The following MLF1 variants were observed in gnomAD, a reference collection of about 807,000 sequenced individuals.
MLF1 encodes myeloid leukemia factor 1, also known as myelodysplasia-myeloid leukemia factor 1.
Under a neutral mutation model 38.3 loss-of-function variants are expected in MLF1, and 37 were observed. The observed-to-expected ratio is 0.96, with a 90% CI of 0.74 to 1.27. The LOEUF is 1.27. Ranked by LOEUF, MLF1 falls within the 50% of genes most tolerant of loss-of-function variation. The pLI is 0.00. For synonymous variants in MLF1, 95 were observed against 106.5 expected (o/e 0.89, Z 0.66); for missense variants, 331 against 349.2 (o/e 0.95, Z 0.42).
At chr3:158,590,645 A>G (rs776312771) in intron 1 of MLF1, 8 of 378,328 alleles carry the variant, frequency 2.1e-5, no homozygotes, top group Non-Finnish European at 4.1e-5. Flanking sequence ...AAAAGATGAC[A>G]TACTATGTGA....
intron 1 of MLF1, chr3:158,582,954 T>C: frequency 1.5e-6 from 1 of 665,260 alleles, no homozygotes; most frequent in Non-Finnish European, 2.7e-6. Flanking sequence ...TTTATTTTTC[T>C]TATTCTTAAT....
Position 158,571,253 on chromosome 3 carries a change from C to T in MLF1, c.-48C>T, listed in dbSNP as rs1426897713. 4.0e-6 allele frequency: 6 copies of T among 1,493,540 alleles called. No individual in the cohort carries two copies. The highest frequency in any genetic ancestry group is 1.7e-5 in the Admixed American group (1 of 59,064). 92.5% of individuals were successfully genotyped at this position (1,493,540 alleles called of 1,614,324 possible). The stretch of plus-strand genomic sequence containing the variant: ...TGTCGCGGCCGCGGCGAGTTAACAT[C>T]GTTTTTCCAATCTGTCCGCGGCTGC... On this transcript the variant is annotated 5_prime_UTR_variant, in exon 1 of 8. Transcript: ENST00000466246.
At chr3:158,598,798 A>G (rs1719289511) in intron 5 of MLF1, among the ~76,000 whole-genome samples, 1 of 152,066 alleles carries the variant, frequency 6.6e-6, no homozygotes, top group African/African-American at 2.4e-5. Context: ...CTCAGAGATT[A>G]CCATTTTCCT....
intron 5 of MLF1, among the ~76,000 whole-genome samples, chr3:158,599,251 G>A (rs1370094965): frequency 6.6e-6 from 1 of 152,096 alleles, no homozygotes; most frequent in Non-Finnish European, 1.5e-5. Context: ...CTGAGTTGTA[G>A]GGTATGTGTA....
intron 1 of MLF1, among the ~76,000 whole-genome samples, chr3:158,584,982 G>GATCA (rs1717011608): frequency 7.0e-6 from 1 of 142,642 alleles, no homozygotes; most frequent in Admixed American, 7.2e-5. Flanking sequence ...AGGTTGCAGT[G>GATCA]AGCCAAGATC....
intron 1 of MLF1, among the ~76,000 whole-genome samples, chr3:158,582,188 G>A (rs891119337): frequency 2.0e-5 from 3 of 151,630 alleles, no homozygotes; most frequent in Non-Finnish European, 4.4e-5. Context: ...AAAAAAAAAA[G>A]AGAGAAATGA....
At chr3:158,596,157 A>G (rs1718842077) in intron 3 of MLF1, among the ~76,000 whole-genome samples, 1 of 152,142 alleles carries the variant, frequency 6.6e-6, no homozygotes, top group Non-Finnish European at 1.5e-5. Context: ...GACAGCCAAA[A>G]ATGAGTATAG....
chr3:158,580,284 G>A (rs537784678), intron 1 of MLF1, among the ~76,000 whole-genome samples: 3 of 149,790 alleles, frequency 2.0e-5, no homozygotes, highest in African/African-American at 4.9e-5. Context: ...CATGTACCCC[G>A]GAACTTAAAA....
At chr3:158,585,347 C>G (rs1476390164) in intron 1 of MLF1, among the ~76,000 whole-genome samples, 1 of 152,152 alleles carries the variant, frequency 6.6e-6, no homozygotes, top group Non-Finnish European at 1.5e-5. Flanking sequence ...TCTGCACATA[C>G]TGGTTCCCCT....
intron 1 of MLF1, among the ~76,000 whole-genome samples, chr3:158,574,665 C>T (rs942651923): frequency 1.2e-4 from 15 of 121,420 alleles, no homozygotes; most frequent in African/African-American, 4.5e-4. Context: ...ACCTGGGCAA[C>T]AAGAGTGAAA....
chr3:158,603,142 G>A (rs1411314052), intron 7 of MLF1, among the ~76,000 whole-genome samples: 4 of 152,094 alleles, frequency 2.6e-5, no homozygotes, highest in Non-Finnish European at 5.9e-5. Flanking sequence ...AATAGTTTAG[G>A]ATTTTATGGT....
intron 5 of MLF1, among the ~76,000 whole-genome samples, chr3:158,598,532 T>A (rs1441355798): frequency 6.6e-6 from 1 of 152,098 alleles, no homozygotes; most frequent in Non-Finnish European, 1.5e-5. Flanking sequence ...TTCATGAAAT[T>A]AATGTCTATT....
At chr3:158,598,918 T>TTAC (rs1294760883) in intron 5 of MLF1, among the ~76,000 whole-genome samples, 2 of 152,338 alleles carry the variant, frequency 1.3e-5, no homozygotes, top group East Asian at 3.9e-4. Flanking sequence ...ACATAAAGGG[T>TTAC]ATCATATTGC....
Position 158,571,209 on chromosome 3 carries a change from C to A in MLF1, c.-92C>A, listed in dbSNP as rs1006239476. 2.1e-5 allele frequency: 21 copies of A among 1,010,106 alleles called. No individual in the cohort carries two copies. The highest frequency in any genetic ancestry group is 2.9e-5 in the Non-Finnish European group (19 of 656,236). The allele number at this position is 1,010,106 out of a possible 1,614,324, so 62.6% of individuals were successfully genotyped here. A position where few individuals can be genotyped will look rare whatever the true frequency, so the allele number is the denominator to read the frequency against. ...GCGCCGCGGCGAGTGAGGCGTCGTC[C>A]GTACTGGAGGCTAGCTCTTGTCGCG... On this transcript the variant is annotated 5_prime_UTR_variant, in exon 1 of 8. Coordinates refer to ENST00000466246, the MANE Select transcript of MLF1 (RefSeq NM_001369783.1).
At position 158,571,701 on chromosome 3, in the gene MLF1, A is replaced by G. The variant is rs116390468; in HGVS notation, c.47+354A>G. 1.9e-3 allele frequency among the ~76,000 whole-genome samples: 88 copies of G among 47,538 alleles called. 3 individuals are homozygous for G. Among genetic ancestry groups the G allele is most frequent in the African/African-American group, 8.0e-3 (80 of 10,006 alleles). 31.2% of individuals were successfully genotyped at this position (47,538 alleles called of 152,430 possible). A position where few individuals can be genotyped will look rare whatever the true frequency, so the allele number is the denominator to read the frequency against. ...AGGTGGGGGGAGGAGAATTGAGGGC[A>G]TGAGGTGGGGAGAAGAGGTTGAGGG... On this transcript the variant is annotated intron_variant, in intron 1 of 7. Transcript: ENST00000466246.
chr3:158,576,257 A>T (rs538849672), intron 1 of MLF1, among the ~76,000 whole-genome samples: 84 of 152,340 alleles, frequency 5.5e-4, no homozygotes, highest in African/African-American at 1.9e-3. Flanking sequence ...ACATTACAGT[A>T]TATTCAGATA....
chr3:158,588,219 A>G (rs753361823), intron 1 of MLF1, among the ~76,000 whole-genome samples: 27 of 152,210 alleles, frequency 1.8e-4, no homozygotes, highest in Non-Finnish European at 1.5e-4. Context: ...TGAGATGACT[A>G]AAGCCTCAAC....
At chr3:158,575,096 T>TA (rs1303694214) in intron 1 of MLF1, among the ~76,000 whole-genome samples, 3 of 152,164 alleles carry the variant, frequency 2.0e-5, no homozygotes, top group African/African-American at 7.2e-5. Context: ...CTACAAATAG[T>TA]AAGCATACAG....
intron 1 of MLF1, among the ~76,000 whole-genome samples, chr3:158,592,147 A>C (rs1166638275): frequency 6.6e-6 from 1 of 152,170 alleles, no homozygotes; most frequent in Non-Finnish European, 1.5e-5. Context: ...GAAAACCAGC[A>C]TGGCTGTATG....
Sources: gnomAD v4.1 joint callset for allele counts (sites outside exome capture counted in the v4.1 genomes callset) on GRCh38, gnomAD v4.1.1 for gene constraint, MANE v1.5 for transcripts, NCBI Gene and HGNC (gene_info 2026-07-23, HGNC 2026-07-21) for gene names.